TMEM232: variants seen among roughly 807,000 people sequenced by gnomAD.
TMEM232 encodes the protein transmembrane protein 232.
A neutral mutation model predicts 78.8 loss-of-function variants in TMEM232; 80 were observed. The observed-to-expected ratio is 1.01, with a 90% CI of 0.85 to 1.22. TMEM232 has a LOEUF of 1.22. Ranked by LOEUF, TMEM232 falls within the 50% of genes most tolerant of loss-of-function variation. The probability of loss-of-function intolerance (pLI) is 0.00; values close to 1 mark genes in which losing one functional copy is unlikely to be tolerated. For missense variants in TMEM232, 881 were observed against 742.2 expected (o/e 1.19, Z -2.17); for synonymous variants, 297 against 254.3 (o/e 1.17, Z -1.60).
chr5:110,512,367 C>T (rs537255479), intron 12 of TMEM232, among the ~76,000 whole-genome samples: 8 of 152,262 alleles, frequency 5.3e-5, no homozygotes, highest in African/African-American at 1.7e-4. Context: ...GCTAGAGTCA[C>T]GAGCAGTAGT....
intron 11 of TMEM232, among the ~76,000 whole-genome samples, chr5:110,564,879 C>A (rs1776159075): frequency 6.6e-6 from 1 of 151,854 alleles, no homozygotes; most frequent in Non-Finnish European, 1.5e-5. Flanking sequence ...ATAAATAAAG[C>A]CATTAGTGAA....
At chr5:110,652,251 C>T (rs1293823829) in intron 2 of TMEM232, among the ~76,000 whole-genome samples, 16 of 150,004 alleles carry the variant, frequency 1.1e-4, no homozygotes, top group Non-Finnish European at 1.6e-4. Flanking sequence ...TTCCCCATTA[C>T]CAACCACAGA....
At chr5:110,698,713 A>G (rs1403335975) in intron 1 of TMEM232, among the ~76,000 whole-genome samples, 4 of 152,034 alleles carry the variant, frequency 2.6e-5, no homozygotes, top group South Asian at 2.1e-4. Context: ...GGAGTAGTAC[A>G]TCATGTGTTT....
At chr5:110,523,965 AAG>A (rs1491563950) in intron 12 of TMEM232, among the ~76,000 whole-genome samples, 381 of 10,518 alleles carry the variant, frequency 0.036, 2 homozygotes, top group African/African-American at 0.087. Flanking sequence ...AAAAAAAAAA[AAG>A]GGGGGGGGGC....
At chr5:110,428,902 C>G (rs943035158) in intron 12 of TMEM232, among the ~76,000 whole-genome samples, 10 of 151,744 alleles carry the variant, frequency 6.6e-5, no homozygotes, top group Non-Finnish European at 1.3e-4. Flanking sequence ...AAACCTGGTA[C>G]AGATGACAAA....
rs77090901 is a variant in TMEM232 at position 110,641,007 on chromosome 5, G to T, written c.238-11C>A. ...GAGACCCAATTTTCTCTGTTATGAG[G>T]AAGCATGAAAAAGACAAATCAAAAT... On this transcript the variant is annotated splice_polypyrimidine_tract_variant and intron_variant, in intron 3 of 13. Transcript: ENST00000455884. 2,969 of 1,487,716 alleles carry T rather than the reference G, an allele frequency of 2.0e-3. 49 individuals carry two copies. The African/African-American group carries it at 0.036, about 18-fold the overall frequency. 92.2% of individuals were successfully genotyped at this position (1,487,716 alleles called of 1,614,324 possible). A position where few individuals can be genotyped will look rare whatever the true frequency, so the allele number is the denominator to read the frequency against.
chr5:110,615,697 T>G lies in TMEM232; in HGVS notation c.902+2732A>C, dbSNP rs1483619793. ...AGGAACGGAAACAATAAAACTATCTTTGTTTGCTGACCAAATGATCTTATA... is the reference window on the plus strand; with the variant it reads ...AGGAACGGAAACAATAAAACTATCTGTGTTTGCTGACCAAATGATCTTATA... On this transcript the variant is annotated intron_variant, in intron 8 of 13. Coordinates refer to ENST00000455884, the MANE Select transcript of TMEM232 (RefSeq NM_001039763.4). 2.0e-5 allele frequency among the ~76,000 whole-genome samples: 3 copies of G among 151,916 alleles called. No individual in the cohort carries two copies. The East Asian group carries it at 5.8e-4, about 29-fold the overall frequency.
At chr5:110,634,264 G>A (rs1164358233) in intron 5 of TMEM232, among the ~76,000 whole-genome samples, 3 of 151,756 alleles carry the variant, frequency 2.0e-5, no homozygotes, top group Non-Finnish European at 2.9e-5. Context: ...TTCAACACTC[G>A]TCCCTTAGCA....
chr5:110,483,107 T>C (rs745432942), intron 12 of TMEM232, among the ~76,000 whole-genome samples: 47 of 152,162 alleles, frequency 3.1e-4, no homozygotes, highest in Non-Finnish European at 5.3e-4. Context: ...TAATTATAAA[T>C]CTATGTTGTT....
At chr5:110,538,201 C>A (rs1772640423) in intron 11 of TMEM232, among the ~76,000 whole-genome samples, 1 of 152,144 alleles carries the variant, frequency 6.6e-6, no homozygotes, top group Non-Finnish European at 1.5e-5. Flanking sequence ...GAAGTCTTTA[C>A]AAAATATACT....
At chr5:110,651,340 G>A (rs550856744) in intron 2 of TMEM232, among the ~76,000 whole-genome samples, 80 of 151,720 alleles carry the variant, frequency 5.3e-4, no homozygotes, top group Admixed American at 9.2e-4. Context: ...ACATCATGAG[G>A]GAGAGACATT....
At chr5:110,639,837 G>T (rs117584162) in intron 4 of TMEM232, among the ~76,000 whole-genome samples, 3,220 of 152,298 alleles carry the variant, frequency 0.021, 35 homozygotes, top group Admixed American at 0.025. Flanking sequence ...TTCACCATAG[G>T]CTTCACACAC....
intron 1 of TMEM232, among the ~76,000 whole-genome samples, chr5:110,690,018 A>T (rs1793916270): frequency 6.6e-6 from 1 of 152,224 alleles, no homozygotes; most frequent in Non-Finnish European, 1.5e-5. Flanking sequence ...TGTAAAACCT[A>T]AAACCATAAA....
chr5:110,445,422 C>T (rs893205310), intron 12 of TMEM232, among the ~76,000 whole-genome samples: 1 of 152,056 alleles, frequency 6.6e-6, no homozygotes, highest in Non-Finnish European at 1.5e-5. Context: ...CCAAATTTTC[C>T]TCATGCTCTT....
intron 12 of TMEM232, among the ~76,000 whole-genome samples, chr5:110,490,461 C>T (rs1764966588): frequency 6.6e-6 from 1 of 152,106 alleles, no homozygotes; most frequent in Non-Finnish European, 1.5e-5. Context: ...CTATTCCACA[C>T]AAACCTTTTC....
At chr5:110,726,984 C>G (rs556539680), upstream of TMEM232, among the ~76,000 whole-genome samples, 1 of 152,152 alleles carries the variant, frequency 6.6e-6, no homozygotes, top group African/African-American at 2.4e-5. Flanking sequence ...ACCAGCACGC[C>G]TATCATACCA....
At chr5:110,466,223 A>G (rs968065251) in intron 12 of TMEM232, among the ~76,000 whole-genome samples, 1 of 152,224 alleles carries the variant, frequency 6.6e-6, no homozygotes, top group Non-Finnish European at 1.5e-5. Context: ...AAAGTAGATC[A>G]CTTTCTAATG....
intron 1 of TMEM232, among the ~76,000 whole-genome samples, chr5:110,678,620 T>G (rs770448315): frequency 1.3e-5 from 2 of 152,174 alleles, no homozygotes; most frequent in Non-Finnish European, 2.9e-5. Flanking sequence ...GTATGCATTA[T>G]AGTATCATAC....
At chr5:110,545,256 C>T (rs2149591823) in intron 11 of TMEM232, among the ~76,000 whole-genome samples, 1 of 152,038 alleles carries the variant, frequency 6.6e-6, no homozygotes, top group East Asian at 1.9e-4. Context: ...TCATTTTATT[C>T]TGTTTAAAAC....
Sources: gnomAD v4.1 joint callset for allele counts (sites outside exome capture counted in the v4.1 genomes callset) on GRCh38, gnomAD v4.1.1 for gene constraint, MANE v1.5 for transcripts, NCBI Gene and HGNC (gene_info 2026-07-23, HGNC 2026-07-21) for gene names.